UBE3C: variants seen among roughly 807,000 people sequenced by gnomAD.
UBE3C encodes ubiquitin-protein ligase E3C.
UBE3C carries 42 observed loss-of-function variants against 129.4 expected under a neutral mutation model. That is an observed-to-expected ratio of 0.32 (90% CI 0.25 to 0.42). The LOEUF (loss-of-function observed/expected upper bound fraction) is 0.42, where lower values mean the gene tolerates loss of function less well. Ranked by LOEUF, UBE3C falls within the 10% of genes least tolerant of loss-of-function variation. The pLI is 1.00. For missense variants in UBE3C, 1,049 were observed against 1,319.1 expected (o/e 0.80, Z 3.17); for synonymous variants, 510 against 492.4 (o/e 1.04, Z -0.47).
At chr7:157,155,164 T>G (rs1807868481) in intron 1 of UBE3C, among the ~76,000 whole-genome samples, 1 of 152,164 alleles carries the variant, frequency 6.6e-6, no homozygotes, top group African/African-American at 2.4e-5. Flanking sequence ...CATGTAGGTC[T>G]GCAAAAAAGA....
intron 19 of UBE3C, among the ~76,000 whole-genome samples, chr7:157,251,553 G>A (rs1012365816): frequency 3.3e-5 from 5 of 152,200 alleles, no homozygotes; most frequent in East Asian, 1.9e-4. Context: ...TGTGAGTGCC[G>A]GAGGATGAAA....
At chr7:157,192,137 G>A (rs1048256472) in intron 10 of UBE3C, among the ~76,000 whole-genome samples, 16 of 152,196 alleles carry the variant, frequency 1.1e-4, no homozygotes, top group Middle Eastern at 6.8e-3. Context: ...ACTTGCCTTC[G>A]TCAGCTTCAG....
intron 1 of UBE3C, chr7:157,139,977 C>T: frequency 1.0e-6 from 1 of 985,402 alleles, no homozygotes; most frequent in Non-Finnish European, 1.2e-6. Flanking sequence ...GGAGAGACTC[C>T]GGACTTACAT....
chr7:157,239,063 G>A (rs1242954013), intron 18 of UBE3C, among the ~76,000 whole-genome samples: 1 of 152,086 alleles, frequency 6.6e-6, no homozygotes, highest in African/African-American at 2.4e-5. Flanking sequence ...AAGAATGTCA[G>A]GATTATCTTC....
At chr7:157,254,815 G>A (rs1200323162) in intron 21 of UBE3C, among the ~76,000 whole-genome samples, 1 of 151,974 alleles carries the variant, frequency 6.6e-6, no homozygotes, top group Non-Finnish European at 1.5e-5. Flanking sequence ...CGGGGCAGGT[G>A]GATCACTTGA....
intron 13 of UBE3C, among the ~76,000 whole-genome samples, chr7:157,211,102 G>A (rs979918923): frequency 2.0e-5 from 3 of 150,930 alleles, no homozygotes; most frequent in African/African-American, 7.3e-5. Context: ...CCTGTGATAG[G>A]GAAACAGGAG....
At chr7:157,196,503 C>T (rs1004868365) in intron 10 of UBE3C, among the ~76,000 whole-genome samples, 8 of 152,106 alleles carry the variant, frequency 5.3e-5, no homozygotes, top group African/African-American at 1.9e-4. Flanking sequence ...TAGTCTTGTT[C>T]TGGAGAAGAC....
At chr7:157,224,664 A>G (rs901778954) in intron 16 of UBE3C, among the ~76,000 whole-genome samples, 3 of 151,872 alleles carry the variant, frequency 2.0e-5, no homozygotes, top group Non-Finnish European at 4.4e-5. Flanking sequence ...TTCTTCAGTA[A>G]TGGCTTCAAG....
At chr7:157,195,631 T>C (rs2116967785) in intron 10 of UBE3C, among the ~76,000 whole-genome samples, 1 of 152,348 alleles carries the variant, frequency 6.6e-6, no homozygotes, top group South Asian at 2.1e-4. Context: ...TAACTTGTTT[T>C]CTAGGTTCGC....
rs547496436 is a variant in UBE3C at position 157,243,207 on chromosome 7, G to A, written c.2482-5161G>A. The stretch of plus-strand genomic sequence containing the variant: ...ATCCTCTGTGCCCTGCAGGGCTTCC[G>A]AAGTGAAAGCCGAGTTGGAGATGAG... On this transcript the variant is annotated intron_variant, in intron 18 of 22. Transcript: ENST00000348165. Among the ~76,000 whole-genome samples the A allele has an allele frequency of 2.3e-4, 35 of 152,306 alleles. 1 individual carries two copies. Among genetic ancestry groups the A allele is most frequent in the East Asian group, 1.5e-3 (8 of 5,186 alleles).
intron 17 of UBE3C, among the ~76,000 whole-genome samples, chr7:157,230,624 G>A (rs897401550): frequency 6.6e-6 from 1 of 151,626 alleles, no homozygotes; most frequent in Non-Finnish European, 1.5e-5. Context: ...GAACCCGGGA[G>A]GCGGAGGTTG....
At chr7:157,213,332 C>T (rs770036101) in intron 13 of UBE3C, among the ~76,000 whole-genome samples, 16 of 152,260 alleles carry the variant, frequency 1.1e-4, no homozygotes, top group Non-Finnish European at 2.1e-4. Flanking sequence ...TCAGAGTCAT[C>T]TGGGGGAGCA....
At chr7:157,250,023 C>A (rs1796582498) in intron 19 of UBE3C, among the ~76,000 whole-genome samples, 1 of 152,090 alleles carries the variant, frequency 6.6e-6, no homozygotes, top group Admixed American at 6.5e-5. Context: ...GGAAAAAATA[C>A]AAATCCAAAC....
intron 21 of UBE3C, among the ~76,000 whole-genome samples, chr7:157,254,641 A>AC (rs1001705764): frequency 2.0e-5 from 3 of 150,628 alleles, no homozygotes; most frequent in African/African-American, 7.3e-5. Flanking sequence ...CAAGTGATCC[A>AC]CCCCCCTCAG....
In UBE3C at chr7:157,213,054, G is replaced by A. The variant is rs754491152; in HGVS notation, c.1810-3813G>A. On this transcript the variant is annotated intron_variant, in intron 13 of 22. Coordinates refer to ENST00000348165, the MANE Select transcript of UBE3C (RefSeq NM_014671.3). ...ATTACAGGTGTGAGCCACCACGCCC[G>A]GCAGTGTGTGCATTTCTGAATAAAT... Among the ~76,000 whole-genome samples the A allele has an allele frequency of 4.6e-5, 7 of 152,280 alleles. No individual in the cohort carries two copies. The South Asian group carries it at 6.2e-4, about 14-fold the overall frequency.
intron 8 of UBE3C, 110 bp downstream of exon 8, chr7:157,182,438 T>G (rs1398355085): frequency 9.2e-6 from 10 of 1,091,538 alleles, no homozygotes; most frequent in Non-Finnish European, 1.3e-5. Flanking sequence ...GGGCCTCTCC[T>G]GGAGGAGTGT....
At position 157,265,968 on chromosome 7, in the gene UBE3C, A is replaced by G. The variant is rs73492613; in HGVS notation, c.3082-1617A>G. 7.2e-3 allele frequency among the ~76,000 whole-genome samples: 1,090 copies of G among 152,302 alleles called. 18 individuals are homozygous for G. The highest frequency in any genetic ancestry group is 0.025 in the African/African-American group (1,047 of 41,560). ...ACAAGCAAGCCACTTTTCATCATGCATTTGGTCTATAGATGTTCTACCTCC... is the reference window on the plus strand; with the variant it reads ...ACAAGCAAGCCACTTTTCATCATGCGTTTGGTCTATAGATGTTCTACCTCC... On this transcript the variant is annotated intron_variant, in intron 22 of 22. Transcript: ENST00000348165.
At chr7:157,177,667 C>T (rs1808556208) in intron 5 of UBE3C, among the ~76,000 whole-genome samples, 1 of 152,220 alleles carries the variant, frequency 6.6e-6, no homozygotes, top group South Asian at 2.1e-4. Flanking sequence ...AAAGACAAAA[C>T]AAGGTCTGGC....
intron 10 of UBE3C, among the ~76,000 whole-genome samples, chr7:157,187,500 A>T (rs1161225791): frequency 6.7e-6 from 1 of 150,024 alleles, no homozygotes; most frequent in Non-Finnish European, 1.5e-5. Context: ...TTTCACCCCA[A>T]CCTTCTGAGT....
Sources: allele counts gnomAD v4.1 joint callset (sites outside exome capture counted in the v4.1 genomes callset), GRCh38; gene constraint gnomAD v4.1.1; transcripts MANE v1.5; gene names NCBI Gene and HGNC (gene_info 2026-07-23, HGNC 2026-07-21).